The following GRIN3A variants were observed in gnomAD, a reference collection of about 807,000 sequenced individuals.
The protein encoded by GRIN3A is glutamate ionotropic receptor NMDA type subunit 3A.
GRIN3A carries 47 observed loss-of-function variants against 92.4 expected under a neutral mutation model. That is an observed-to-expected ratio of 0.51 (90% CI 0.40 to 0.65). The LOEUF (loss-of-function observed/expected upper bound fraction) is 0.65, where lower values mean the gene tolerates loss of function less well. GRIN3A is among the 30% of genes least tolerant of loss of function. The pLI is 0.00. For missense variants in GRIN3A, 1,324 were observed against 1,393.1 expected (o/e 0.95, Z 0.79); for synonymous variants, 527 against 540.6 (o/e 0.97, Z 0.35).
At chr9:101,693,338 T>G (rs533383663) in intron 1 of GRIN3A, among the ~76,000 whole-genome samples, 4 of 151,168 alleles carry the variant, frequency 2.6e-5, no homozygotes, top group African/African-American at 9.7e-5. Context: ...GAGAGTTGCT[T>G]GAGTCTGGAG....
chr9:101,730,210 C>T (rs1588301055), intron 1 of GRIN3A, among the ~76,000 whole-genome samples: 1 of 152,256 alleles, frequency 6.6e-6, no homozygotes, highest in Middle Eastern at 3.4e-3. Context: ...CTTCAGTGAA[C>T]CAGAACTCTA....
chr9:101,601,715 C>A (rs1193846315), intron 6 of GRIN3A, among the ~76,000 whole-genome samples: 2 of 152,126 alleles, frequency 1.3e-5, no homozygotes, highest in Non-Finnish European at 2.9e-5. Flanking sequence ...CTTGCAGATG[C>A]ATAAATCCAT....
chr9:101,646,347 G>A (rs28827636), intron 3 of GRIN3A, among the ~76,000 whole-genome samples: 13,425 of 151,620 alleles, frequency 0.089, 864 homozygotes, highest in East Asian at 0.22. Context: ...AATATGCATT[G>A]AAACAATATA....
intron 2 of GRIN3A, among the ~76,000 whole-genome samples, chr9:101,672,394 C>T (rs4266702): frequency 6.6e-6 from 1 of 151,906 alleles, no homozygotes; most frequent in South Asian, 2.1e-4. Flanking sequence ...AATTTTAATA[C>T]AATTTTAAAA....
intron 3 of GRIN3A, among the ~76,000 whole-genome samples, chr9:101,646,417 A>G (rs1828938745): frequency 6.6e-6 from 1 of 151,794 alleles, no homozygotes; most frequent in Admixed American, 6.6e-5. Flanking sequence ...TCCACTTACT[A>G]TAGCTTTGTA....
intron 3 of GRIN3A, among the ~76,000 whole-genome samples, chr9:101,663,849 C>T (rs1001377852): frequency 1.4e-5 from 2 of 145,338 alleles, no homozygotes; most frequent in Non-Finnish European, 3.1e-5. Flanking sequence ...CTCTACAGAG[C>T]TGAATTTTTC....
chr9:101,607,135 CAGATAAAG>C (rs1828297445), intron 6 of GRIN3A, among the ~76,000 whole-genome samples: 2 of 145,130 alleles, frequency 1.4e-5, no homozygotes. Flanking sequence ...CTCTGGAGAG[CAGATAAAG>C]CCCTGGAATT....
intron 1 of GRIN3A, among the ~76,000 whole-genome samples, chr9:101,723,125 A>T (rs1423797456): frequency 1.3e-5 from 2 of 152,202 alleles, no homozygotes; most frequent in African/African-American, 2.4e-5. Flanking sequence ...CGTGATAGTA[A>T]TGTGTCCAGA....
intron 3 of GRIN3A, among the ~76,000 whole-genome samples, chr9:101,655,691 C>A (rs1225542096): frequency 6.6e-6 from 1 of 151,902 alleles, no homozygotes; most frequent in Non-Finnish European, 1.5e-5. Flanking sequence ...CCTCCAACAG[C>A]AGATGCATTT....
intron 6 of GRIN3A, among the ~76,000 whole-genome samples, chr9:101,580,735 A>G (rs941230496): frequency 3.9e-5 from 6 of 152,228 alleles, no homozygotes; most frequent in African/African-American, 1.4e-4. Flanking sequence ...AAATAGATAT[A>G]TAACGTCTAT....
rs570243622 is a variant in GRIN3A, at chr9:101,670,053, G to A, written c.2352+7C>T. ...ATCAAGAAAGCTAAAGTAAAATGAA[G>A]TATTACCTTGGGGTCATGTATTCCA... On this transcript the variant is annotated splice_region_variant and intron_variant, in intron 3 of 8. Transcript: ENST00000361820. 40 of 1,588,590 alleles carry A rather than the reference G, an allele frequency of 2.5e-5. No individual in the cohort carries two copies. In the South Asian group the frequency reaches 3.6e-4, roughly 14 times the overall value.
chr9:101,735,432 C>T (rs1399015834), intron 1 of GRIN3A, among the ~76,000 whole-genome samples: 2 of 151,516 alleles, frequency 1.3e-5, no homozygotes, highest in African/African-American at 4.8e-5. Context: ...TTGAAGTTTA[C>T]AGATTCTGGA....
intron 6 of GRIN3A, among the ~76,000 whole-genome samples, chr9:101,589,848 G>C (rs767842460): frequency 3.3e-5 from 5 of 152,056 alleles, no homozygotes; most frequent in African/African-American, 4.8e-5. Context: ...GAACCCTTCA[G>C]TCCATTTTGA....
intron 6 of GRIN3A, among the ~76,000 whole-genome samples, chr9:101,586,695 A>G (rs1827955007): frequency 6.6e-6 from 1 of 152,194 alleles, no homozygotes; most frequent in African/African-American, 2.4e-5. Flanking sequence ...TTTTCTTAGG[A>G]TCCTTTCTTT....
chr9:101,662,689 A>C (rs909887432), intron 3 of GRIN3A, among the ~76,000 whole-genome samples: 1 of 151,814 alleles, frequency 6.6e-6, no homozygotes, highest in Non-Finnish European at 1.5e-5. Context: ...AGTTGCCTCA[A>C]ACCTATAAAC....
intron 3 of GRIN3A, among the ~76,000 whole-genome samples, chr9:101,655,630 G>A (rs1045495253): frequency 4.6e-5 from 7 of 151,884 alleles, no homozygotes; most frequent in African/African-American, 1.7e-4. Flanking sequence ...TTGGGTTTAA[G>A]TAGCAGCTTG....
At chr9:101,574,816 C>T (rs1337989995) in intron 8 of GRIN3A, among the ~76,000 whole-genome samples, 3 of 152,166 alleles carry the variant, frequency 2.0e-5, no homozygotes. Flanking sequence ...TCTCTTGGAA[C>T]CCTGCTGCTG....
At chr9:101,666,551 T>C (rs1829238875) in intron 3 of GRIN3A, among the ~76,000 whole-genome samples, 1 of 151,972 alleles carries the variant, frequency 6.6e-6, no homozygotes. Context: ...CTAGTCTTAA[T>C]ACCTGGGCAA....
At chr9:101,690,956 A>T (rs1829608788) in intron 1 of GRIN3A, among the ~76,000 whole-genome samples, 1 of 152,172 alleles carries the variant, frequency 6.6e-6, no homozygotes, top group South Asian at 2.1e-4. Context: ...AAAGTACAAT[A>T]TCAAATCATT....
Sources: gnomAD v4.1 joint callset for allele counts (sites outside exome capture counted in the v4.1 genomes callset) on GRCh38, gnomAD v4.1.1 for gene constraint, MANE v1.5 for transcripts, NCBI Gene and HGNC (gene_info 2026-07-23, HGNC 2026-07-21) for gene names.